The following GBE1 variants were observed in gnomAD, a reference collection of about 807,000 sequenced individuals.
GBE1 encodes 1,4-alpha-glucan-branching enzyme.
In GBE1, 70 loss-of-function variants were observed where a neutral mutation model predicts 88.8. The observed-to-expected ratio is 0.79, with a 90% CI of 0.65 to 0.96. The LOEUF (loss-of-function observed/expected upper bound fraction) is 0.96. Among genes scored for constraint, GBE1 ranks in the 40% least tolerant of loss-of-function variants. The pLI is 0.00. For missense variants in GBE1, 872 were observed against 871.0 expected, an observed-to-expected ratio of 1.00 and a Z score of -0.01; for synonymous variants, 284 against 300.1, an observed-to-expected ratio of 0.95 and a Z score of 0.56.
intron 1 of GBE1, among the ~76,000 whole-genome samples, chr3:81,746,145 T>C (rs1451611554): frequency 6.6e-6 from 1 of 152,172 alleles, no homozygotes; most frequent in African/African-American, 2.4e-5. Context: ...TTTAAAGTAA[T>C]AGGTGTTTGT....
chr3:81,689,162 G>C (rs965973360), intron 2 of GBE1, among the ~76,000 whole-genome samples: 1 of 152,224 alleles, frequency 6.6e-6, no homozygotes, highest in Non-Finnish European at 1.5e-5. Context: ...GTGTTTATTA[G>C]ATCTGTAGGG....
At chr3:81,644,126 C>T (rs1031674592) in intron 6 of GBE1, among the ~76,000 whole-genome samples, 8 of 152,068 alleles carry the variant, frequency 5.3e-5, no homozygotes, top group African/African-American at 1.2e-4. Context: ...TCATCTACCA[C>T]GTACCATGAC....
At chr3:81,561,300 A>C (rs1324506093) in intron 12 of GBE1, among the ~76,000 whole-genome samples, 1 of 152,068 alleles carries the variant, frequency 6.6e-6, no homozygotes, top group Non-Finnish European at 1.5e-5. Context: ...TGTCTCATGG[A>C]CTAAAACAAT....
intron 14 of GBE1, among the ~76,000 whole-genome samples, chr3:81,518,864 T>C (rs1488939896): frequency 1.3e-5 from 2 of 151,534 alleles, no homozygotes; most frequent in Non-Finnish European, 3.0e-5. Flanking sequence ...AACATGCCTG[T>C]ATCTGGTGAA....
intron 14 of GBE1, among the ~76,000 whole-genome samples, chr3:81,513,431 A>T (rs1259625828): frequency 2.0e-5 from 3 of 151,560 alleles, no homozygotes; most frequent in African/African-American, 7.3e-5. Flanking sequence ...AAAAAACAAA[A>T]ATCAAAAAAC....
chr3:81,682,901 G>A (rs1395552936), intron 2 of GBE1, among the ~76,000 whole-genome samples: 2 of 152,176 alleles, frequency 1.3e-5, no homozygotes, highest in Non-Finnish European at 2.9e-5. Context: ...ATAGAATGAA[G>A]TATTATTTGG....
At chr3:81,634,644 CA>C (rs1196027005) in intron 7 of GBE1, among the ~76,000 whole-genome samples, 3 of 151,666 alleles carry the variant, frequency 2.0e-5, no homozygotes, top group African/African-American at 4.8e-5. Context: ...GATCAAGAGA[CA>C]GGGGGAAAAA....
chr3:81,657,838 T>A (rs1352020184), intron 3 of GBE1, among the ~76,000 whole-genome samples: 1 of 152,148 alleles, frequency 6.6e-6, no homozygotes, highest in Non-Finnish European at 1.5e-5. Flanking sequence ...GACATATGCA[T>A]ATAAAATCAT....
chr3:81,594,562 A>T (rs545941240), intron 7 of GBE1, among the ~76,000 whole-genome samples: 1 of 152,210 alleles, frequency 6.6e-6, no homozygotes, highest in Admixed American at 6.5e-5. Flanking sequence ...TATGATTCAG[A>T]ATAAAAAGTA....
intron 10 of GBE1, among the ~76,000 whole-genome samples, chr3:81,582,664 C>T (rs1353160030): frequency 1.3e-5 from 2 of 151,968 alleles, no homozygotes; most frequent in African/African-American, 4.8e-5. Flanking sequence ...ACAAATGATG[C>T]TTAAAGAATT....
At chr3:81,634,745 T>G (rs1704569020) in intron 7 of GBE1, among the ~76,000 whole-genome samples, 1 of 152,054 alleles carries the variant, frequency 6.6e-6, no homozygotes, top group Non-Finnish European at 1.5e-5. Context: ...AAACAACAAA[T>G]ATACCACTAA....
intron 15 of GBE1, among the ~76,000 whole-genome samples, chr3:81,495,051 G>A (rs1224238560): frequency 6.6e-6 from 1 of 152,164 alleles, no homozygotes; most frequent in Non-Finnish European, 1.5e-5. Context: ...AAATTGTTAA[G>A]TTTAGAAATA....
At chr3:81,725,559 CAATTT>C (rs1706099409) in intron 1 of GBE1, among the ~76,000 whole-genome samples, 1 of 152,008 alleles carries the variant, frequency 6.6e-6, no homozygotes, top group Non-Finnish European at 1.5e-5. Context: ...TGTAAAATAA[CAATTT>C]AAAGTATAGT....
At position 81,489,782 on chromosome 3, in the gene GBE1, A is replaced by G. The variant is rs1244626367; in HGVS notation, c.*625T>C. 1.3e-5 allele frequency: 2 copies of G among 152,172 alleles called. No individual in the cohort carries two copies. The highest frequency in any genetic ancestry group is 4.8e-5 in the African/African-American group (2 of 41,456). 9.4% of individuals were successfully genotyped at this position (152,172 alleles called of 1,614,324 possible). A position where few individuals can be genotyped will look rare whatever the true frequency, so the allele number is the denominator to read the frequency against. ...ATTACCATTTCAGGGCTTCAGAAAG[A>G]CTGAGATACTGGCATTTAACAAGAT... On this transcript the variant is annotated 3_prime_UTR_variant, in exon 16 of 16. Transcript: ENST00000429644.
intron 7 of GBE1, among the ~76,000 whole-genome samples, chr3:81,641,747 T>C (rs536702157): frequency 6.6e-6 from 1 of 151,956 alleles, no homozygotes; most frequent in South Asian, 2.1e-4. Flanking sequence ...CATATATAAG[T>C]CATCTAATTT....
chr3:81,710,304 G>A (rs1705844249), intron 1 of GBE1, among the ~76,000 whole-genome samples: 4 of 132,796 alleles, frequency 3.0e-5, no homozygotes, highest in Admixed American at 8.6e-5. Context: ...CCGCGATCTC[G>A]GCTCACTACA....
At chr3:81,628,413 TA>T (rs1463860123) in intron 7 of GBE1, among the ~76,000 whole-genome samples, 1 of 151,562 alleles carries the variant, frequency 6.6e-6, no homozygotes, top group Non-Finnish European at 1.5e-5. Context: ...TTGTGGACTC[TA>T]ACAGTGAGGG....
intron 12 of GBE1, among the ~76,000 whole-genome samples, chr3:81,557,940 G>A (rs1197792346): frequency 6.6e-6 from 1 of 152,036 alleles, no homozygotes; most frequent in African/African-American, 2.4e-5. Flanking sequence ...GGTAGTGGGT[G>A]CAGAGGTCTG....
intron 3 of GBE1, among the ~76,000 whole-genome samples, chr3:81,655,556 G>A (rs1446972235): frequency 2.0e-5 from 3 of 151,878 alleles, no homozygotes; most frequent in Non-Finnish European, 2.9e-5. Context: ...TACTCTTGTC[G>A]CCCAGGCTAG....
Sources: allele counts gnomAD v4.1 joint callset (sites outside exome capture counted in the v4.1 genomes callset), GRCh38; gene constraint gnomAD v4.1.1; transcripts MANE v1.5; gene names NCBI Gene and HGNC (gene_info 2026-07-23, HGNC 2026-07-21).